TTC29: variants seen among roughly 807,000 people sequenced by gnomAD.
TTC29 encodes the protein tetratricopeptide repeat protein 29.
In TTC29, 49 loss-of-function variants were observed where a neutral mutation model predicts 58.1. The ratio of observed to expected loss-of-function variants is 0.84; its 90% CI spans 0.67 to 1.07. The LOEUF (loss-of-function observed/expected upper bound fraction) is 1.07, where lower values mean the gene tolerates loss of function less well. Among genes scored for constraint, TTC29 ranks in the 50% least tolerant of loss-of-function variants. The probability of loss-of-function intolerance (pLI) is 0.00; values close to 1 mark genes in which losing one functional copy is unlikely to be tolerated. For missense variants in TTC29, 582 were observed against 555.6 expected, an observed-to-expected ratio of 1.05 and a Z score of -0.48; for synonymous variants, 209 against 196.8, an observed-to-expected ratio of 1.06 and a Z score of -0.52.
At chr4:146,797,387 C>G (rs2150110649) in intron 11 of TTC29, among the ~76,000 whole-genome samples, 1 of 152,248 alleles carries the variant, frequency 6.6e-6, no homozygotes, top group South Asian at 2.1e-4. Flanking sequence ...AAATGAATCC[C>G]TTTTCCTTCA....
At chr4:146,774,844 G>A (rs1385639631) in intron 11 of TTC29, among the ~76,000 whole-genome samples, 1 of 152,078 alleles carries the variant, frequency 6.6e-6, no homozygotes, top group Non-Finnish European at 1.5e-5. Flanking sequence ...GGTGTCAGTG[G>A]GGTGTCAATG....
At chr4:146,920,695 C>T (rs1189330779) in intron 4 of TTC29, among the ~76,000 whole-genome samples, 1 of 151,088 alleles carries the variant, frequency 6.6e-6, no homozygotes, top group African/African-American at 2.4e-5. Context: ...CTCTCTTGAG[C>T]CCCTTTTTTG....
chr4:146,728,849 A>G (rs10032129), intron 11 of TTC29, among the ~76,000 whole-genome samples: 12,371 of 52,668 alleles, frequency 0.23, 2,811 homozygotes, highest in African/African-American at 0.35. Flanking sequence ...ATATATATGT[A>G]TATATATACA....
At chr4:146,939,783 G>A (rs370817128) in intron 3 of TTC29, 21 bp downstream of exon 3, 2 of 1,588,870 alleles carry the variant, frequency 1.3e-6, no homozygotes, top group Admixed American at 1.8e-5. Context: ...AGGAAAATAA[G>A]TAAAAACCAG....
At chr4:146,790,183 CTTT>C (rs888891230) in intron 11 of TTC29, among the ~76,000 whole-genome samples, 4 of 145,752 alleles carry the variant, frequency 2.7e-5, no homozygotes, top group African/African-American at 1.0e-4. Flanking sequence ...CAATCACTTT[CTTT>C]TTTTTTTTTT....
At chr4:146,823,658 G>T (rs1751988691) in intron 9 of TTC29, among the ~76,000 whole-genome samples, 1 of 152,178 alleles carries the variant, frequency 6.6e-6, no homozygotes, top group African/African-American at 2.4e-5. Flanking sequence ...GTAGTTTGAT[G>T]GGAATAGCAT....
At chr4:146,850,364 A>C (rs1022976577) in intron 8 of TTC29, among the ~76,000 whole-genome samples, 1 of 152,236 alleles carries the variant, frequency 6.6e-6, no homozygotes, top group Non-Finnish European at 1.5e-5. Context: ...ATCTGGCTTC[A>C]AAGACAGCAT....
At chr4:146,747,543 G>A (rs907901763) in intron 11 of TTC29, among the ~76,000 whole-genome samples, 2 of 152,178 alleles carry the variant, frequency 1.3e-5, no homozygotes, top group Admixed American at 6.5e-5. Flanking sequence ...TTCACTACTG[G>A]AGCAGTCATT....
At chr4:146,927,851 G>A (rs1241843848) in intron 4 of TTC29, among the ~76,000 whole-genome samples, 1 of 152,092 alleles carries the variant, frequency 6.6e-6, no homozygotes. Flanking sequence ...GGCTATGAAG[G>A]GGTAAAAGAT....
In TTC29 at chr4:146,736,470, T is replaced by C. The variant is rs1371477754; in HGVS notation, c.1331-28919A>G. On this transcript the variant is annotated intron_variant, in intron 11 of 12. Transcript: ENST00000325106. ...ACATAAAACAGAAGGCATGTAAATC[T>C]GCCTTTCAAGCAACAGTAATTGGAC... Among the ~76,000 whole-genome samples, 3 of 152,230 alleles carry C rather than the reference T, an allele frequency of 2.0e-5. No homozygotes were observed. The East Asian group carries it at 5.8e-4, about 29-fold the overall frequency.
intron 6 of TTC29, among the ~76,000 whole-genome samples, chr4:146,901,287 T>C (rs1028091074): frequency 2.0e-5 from 3 of 152,290 alleles, no homozygotes; most frequent in African/African-American, 4.8e-5. Flanking sequence ...CTCCCCAGTG[T>C]GTACATTTAT....
intron 11 of TTC29, among the ~76,000 whole-genome samples, chr4:146,750,472 T>C (rs1269252070): frequency 6.6e-6 from 1 of 152,214 alleles, no homozygotes; most frequent in African/African-American, 2.4e-5. Context: ...TAATCACATA[T>C]ACATCTCTAG....
intron 4 of TTC29, among the ~76,000 whole-genome samples, chr4:146,935,384 C>T (rs946481556): frequency 9.9e-5 from 15 of 152,134 alleles, no homozygotes; most frequent in African/African-American, 2.9e-4. Flanking sequence ...CTTAAAGACA[C>T]GAATAAGGCA....
chr4:146,728,813 ATG>A (rs373638562), intron 11 of TTC29, among the ~76,000 whole-genome samples: 2,580 of 51,756 alleles, frequency 0.05, 59 homozygotes, highest in Non-Finnish European at 0.089. Flanking sequence ...ACACATATAT[ATG>A]TGTATATATA....
chr4:146,819,304 C>A (rs1751657608), intron 10 of TTC29, among the ~76,000 whole-genome samples: 1 of 152,104 alleles, frequency 6.6e-6, no homozygotes, highest in Non-Finnish European at 1.5e-5. Context: ...GGGTTTTTAA[C>A]TCAAGCAGTG....
intron 8 of TTC29, among the ~76,000 whole-genome samples, chr4:146,846,692 A>G (rs1405375314): frequency 1.3e-5 from 2 of 152,186 alleles, no homozygotes; most frequent in Non-Finnish European, 2.9e-5. Flanking sequence ...AATAAACACT[A>G]ATCCTACGAA....
chr4:146,836,947 AG>A (rs1411165482), intron 8 of TTC29, among the ~76,000 whole-genome samples: 2 of 152,080 alleles, frequency 1.3e-5, no homozygotes, highest in Non-Finnish European at 2.9e-5. Context: ...GATTCCTCAA[AG>A]GGCTAGAAAC....
At chr4:146,930,098 TATATATATATATATATATATAC>T in intron 4 of TTC29, among the ~76,000 whole-genome samples, 1 of 118,730 alleles carries the variant, frequency 8.4e-6, no homozygotes, top group East Asian at 2.3e-4. Context: ...TATATATATA[TATATATATATATATATATATAC>T]ACACATATAT....
At chr4:146,888,471 A>G (rs1251847714) in intron 6 of TTC29, among the ~76,000 whole-genome samples, 1 of 152,122 alleles carries the variant, frequency 6.6e-6, no homozygotes, top group African/African-American at 2.4e-5. Flanking sequence ...ATGGGGATTC[A>G]CTGAAATTGC....
Sources: gnomAD v4.1 joint callset for allele counts (sites outside exome capture counted in the v4.1 genomes callset) on GRCh38, gnomAD v4.1.1 for gene constraint, MANE v1.5 for transcripts, NCBI Gene and HGNC (gene_info 2026-07-23, HGNC 2026-07-21) for gene names.